Variants in SP140L observed in about 807,000 individuals in gnomAD.
SP140L encodes SP140 like nuclear body protein.
Under a neutral mutation model 84.3 loss-of-function variants are expected in SP140L, and 64 were observed. The observed-to-expected ratio is 0.76, with a 90% CI of 0.62 to 0.94. SP140L has a LOEUF of 0.94. Ranked by LOEUF, SP140L falls within the 40% of genes least tolerant of loss-of-function variation. SP140L has a pLI of 0.00. For missense variants in SP140L, 628 were observed against 692.5 expected, an observed-to-expected ratio of 0.91 and a Z score of 1.05; for synonymous variants, 242 against 236.9, an observed-to-expected ratio of 1.02 and a Z score of -0.20.
chr2:230,347,192 G>A (rs968659563), intron 2 of SP140L, among the ~76,000 whole-genome samples: 1 of 152,194 alleles, frequency 6.6e-6, no homozygotes, highest in African/African-American at 2.4e-5. Flanking sequence ...GGTTTGTTGA[G>A]TGTTTTGGTT....
At chr2:230,388,427 G>A (rs2061674035) in intron 9 of SP140L, 132 bp from the exon 10 acceptor site, 3 of 646,604 alleles carry the variant, frequency 4.6e-6, no homozygotes, top group Non-Finnish European at 7.5e-6. Flanking sequence ...AAAGGCTAGG[G>A]TTTAAATCTT....
At chr2:230,343,097 A>G (rs1358364334) in intron 2 of SP140L, among the ~76,000 whole-genome samples, 1 of 117,636 alleles carries the variant, frequency 8.5e-6, no homozygotes, top group Non-Finnish European at 1.9e-5. Flanking sequence ...CTTCCCTTCA[A>G]CTTTTAAGTT....
In SP140L at chr2:230,357,790, G is replaced by A; in HGVS notation, c.108-15G>A. 6.3e-7 allele frequency: 1 copy of A among 1,589,334 alleles called. No individual in the cohort carries two copies. Among genetic ancestry groups the A allele is most frequent in the East Asian group, 2.2e-5 (1 of 44,604 alleles). On this transcript the variant is annotated splice_polypyrimidine_tract_variant and intron_variant, in intron 2 of 18. Transcript: ENST00000415673. ...ATCTTGATGACCATTTTCATTTGGTGTCCTTTTTCCTTAGGCTGTTCACGG... is the reference window on the plus strand; with the variant it reads ...ATCTTGATGACCATTTTCATTTGGTATCCTTTTTCCTTAGGCTGTTCACGG...
chr2:230,352,651 C>T (rs2060399699), intron 2 of SP140L, among the ~76,000 whole-genome samples: 1 of 152,080 alleles, frequency 6.6e-6, no homozygotes, highest in African/African-American at 2.4e-5. Context: ...AATTAGTTTT[C>T]TACTTCTCAT....
Position 230,353,901 on chromosome 2 carries a change from CTT to C in SP140L, c.108-3901_108-3900del, listed in dbSNP as rs150918622. Among the ~76,000 whole-genome samples, 211 of 152,210 alleles carry C rather than the reference CTT, an allele frequency of 1.4e-3. 6 individuals carry two copies. In the East Asian group the frequency reaches 0.038, roughly 28 times the overall value. ...TCACTCAATCAGTAGTTACCTTCAA[CTT>C]TTCAAATTCATTGTTTAATCTGTAT... On this transcript the variant is annotated intron_variant, in intron 2 of 18. Transcript: ENST00000415673.
chr2:230,354,743 C>G (rs1214065583), intron 2 of SP140L, among the ~76,000 whole-genome samples: 4 of 138,904 alleles, frequency 2.9e-5, no homozygotes, highest in Non-Finnish European at 4.5e-5. Flanking sequence ...CTACTGCACT[C>G]CAGCCTGGAA....
At chr2:230,340,211 C>A (rs1334943681) in intron 2 of SP140L, among the ~76,000 whole-genome samples, 2 of 151,572 alleles carry the variant, frequency 1.3e-5, no homozygotes, top group Non-Finnish European at 2.9e-5. Flanking sequence ...ATAGTTAGCT[C>A]TTCTTGTTGA....
At chr2:230,389,523 G>C (rs1393805818) in intron 10 of SP140L, among the ~76,000 whole-genome samples, 2 of 152,136 alleles carry the variant, frequency 1.3e-5, no homozygotes, top group African/African-American at 4.8e-5. Context: ...CCAAATGGGA[G>C]ACTGATTATG....
chr2:230,400,568 A>G (rs531187194), intron 15 of SP140L: 1 of 467,890 alleles, frequency 2.1e-6, no homozygotes, highest in African/African-American at 2.0e-5. Flanking sequence ...CCAGTTGTTT[A>G]TATTTTGTGC....
Position 230,347,344 on chromosome 2 carries a change from C to T in SP140L, c.108-10461C>T, listed in dbSNP as rs1575452566. ...TTTTGCAGTTGGGTTGAGTCACTGT[C>T]TGGGTTCTCTTCCAGAGTAGAACCA... On this transcript the variant is annotated intron_variant, in intron 2 of 18. Coordinates refer to ENST00000415673, the MANE Select transcript of SP140L (RefSeq NM_138402.6). 2.0e-5 allele frequency among the ~76,000 whole-genome samples: 3 copies of T among 152,098 alleles called. No individual in the cohort carries two copies. The East Asian group carries it at 5.8e-4, about 29-fold the overall frequency.
Position 230,328,957 on chromosome 2 carries a change from A to G in SP140L, c.107+126A>G, listed in dbSNP as rs527532171. 248 of 1,388,892 alleles carry G rather than the reference A, an allele frequency of 1.8e-4. 4 individuals are homozygous for G. The South Asian group carries it at 2.9e-3, about 16-fold the overall frequency. The allele number at this position is 1,388,892 out of a possible 1,614,324, so 86.0% of individuals were successfully genotyped here. A position where few individuals can be genotyped will look rare whatever the true frequency, so the allele number is the denominator to read the frequency against. The stretch of plus-strand genomic sequence containing the variant: ...TAATTTTTTTGTTTATTTTTTGCCA[A>G]TGTGATTCAGTTGAGGTGTTTGTCT... On this transcript the variant is annotated intron_variant, in intron 2 of 18. Transcript: ENST00000415673.
At chr2:230,376,053 C>T (rs1009772572) in intron 7 of SP140L, among the ~76,000 whole-genome samples, 15 of 152,064 alleles carry the variant, frequency 9.9e-5, no homozygotes, top group East Asian at 3.8e-4. Context: ...GACATTTAAG[C>T]CTTTAATCTA....
At chr2:230,337,863 T>A (rs1377598365) in intron 2 of SP140L, among the ~76,000 whole-genome samples, 1 of 152,120 alleles carries the variant, frequency 6.6e-6, no homozygotes, top group Non-Finnish European at 1.5e-5. Flanking sequence ...TATCTCCGTT[T>A]TGGTACCAGT....
intron 2 of SP140L, among the ~76,000 whole-genome samples, chr2:230,350,522 T>C (rs547341440): frequency 1.3e-5 from 2 of 152,206 alleles, no homozygotes; most frequent in Non-Finnish European, 2.9e-5. Flanking sequence ...GAGAATGTAG[T>C]CAACAAATAC....
intron 8 of SP140L, among the ~76,000 whole-genome samples, chr2:230,384,373 A>C (rs2061502003): frequency 1.3e-5 from 2 of 152,122 alleles, no homozygotes; most frequent in African/African-American, 4.8e-5. Context: ...TATGTTATTT[A>C]TTTTAGTCAT....
chr2:230,337,936 C>T (rs1437529382), intron 2 of SP140L, among the ~76,000 whole-genome samples: 1 of 151,580 alleles, frequency 6.6e-6, no homozygotes, highest in East Asian at 1.9e-4. Flanking sequence ...CATGATGCCT[C>T]CAGCTTTGTT....
chr2:230,396,527 GT>G (rs2062055283), intron 13 of SP140L, among the ~76,000 whole-genome samples: 1 of 152,200 alleles, frequency 6.6e-6, no homozygotes, highest in South Asian at 2.1e-4. Context: ...ACGGATTCCA[GT>G]TGGTAAATTC....
At chr2:230,352,712 A>T (rs950330821) in intron 2 of SP140L, among the ~76,000 whole-genome samples, 4 of 152,138 alleles carry the variant, frequency 2.6e-5, no homozygotes, top group Non-Finnish European at 5.9e-5. Flanking sequence ...ATTATACAAC[A>T]TGTATTACTG....
chr2:230,346,907 A>T (rs2060225212), intron 2 of SP140L, among the ~76,000 whole-genome samples: 1 of 152,160 alleles, frequency 6.6e-6, no homozygotes, highest in Admixed American at 6.5e-5. Context: ...GTTAGAGCTT[A>T]TTAATTTCTT....
Sources: gnomAD v4.1 joint callset for allele counts (sites outside exome capture counted in the v4.1 genomes callset) on GRCh38, gnomAD v4.1.1 for gene constraint, MANE v1.5 for transcripts, NCBI Gene and HGNC (gene_info 2026-07-23, HGNC 2026-07-21) for gene names.